The following ZBTB20 variants were observed in gnomAD, a reference collection of about 807,000 sequenced individuals.
The protein encoded by ZBTB20 is zinc finger and BTB domain-containing protein 20.
Under a neutral mutation model 56.9 loss-of-function variants are expected in ZBTB20, and 9 were observed. The ratio of observed to expected loss-of-function variants is 0.16; its 90% CI spans 0.10 to 0.28. The LOEUF (loss-of-function observed/expected upper bound fraction) is 0.28, where lower values mean the gene tolerates loss of function less well. ZBTB20 is among the 10% of genes least tolerant of loss of function. The probability of loss-of-function intolerance (pLI) is 1.00; values close to 1 mark genes in which losing one functional copy is unlikely to be tolerated. For synonymous variants in ZBTB20, 417 were observed against 420.7 expected (o/e 0.99, Z 0.11); for missense variants, 655 against 1,003.0 (o/e 0.65, Z 4.69).
chr3:114,845,798 C>A (rs150704002), intron 4 of ZBTB20, among the ~76,000 whole-genome samples: 2 of 152,114 alleles, frequency 1.3e-5, no homozygotes, highest in Admixed American at 6.5e-5. Context: ...TTATATACAA[C>A]AAATACATTC....
intron 4 of ZBTB20, among the ~76,000 whole-genome samples, chr3:114,855,157 C>T (rs2075187688): frequency 6.6e-6 from 1 of 152,162 alleles, no homozygotes; most frequent in Non-Finnish European, 1.5e-5. Flanking sequence ...AGAACTTATC[C>T]ACTCTGCCTT....
intron 5 of ZBTB20, among the ~76,000 whole-genome samples, chr3:114,735,024 C>CT (rs113322039): frequency 1.3e-3 from 190 of 144,722 alleles, no homozygotes; most frequent in Middle Eastern, 3.6e-3. Flanking sequence ...GGGAATAGTT[C>CT]TTTTTTTTTT....
At chr3:115,066,077 T>C (rs764648453) in intron 2 of ZBTB20, among the ~76,000 whole-genome samples, 3 of 152,166 alleles carry the variant, frequency 2.0e-5, no homozygotes, top group Admixed American at 2.0e-4. Context: ...ATTCCCCTTA[T>C]TCAGCTTCAG....
intron 4 of ZBTB20, among the ~76,000 whole-genome samples, chr3:114,857,537 G>A (rs1257139430): frequency 2.0e-5 from 3 of 152,146 alleles, no homozygotes; most frequent in African/African-American, 7.2e-5. Context: ...TACTAGCGCC[G>A]TTATCCTATA....
chr3:115,084,033 G>A (rs2082893503), intron 1 of ZBTB20, among the ~76,000 whole-genome samples: 2 of 151,648 alleles, frequency 1.3e-5, no homozygotes, highest in South Asian at 4.1e-4. Flanking sequence ...AGCACTATTA[G>A]CTAATAAAGT....
chr3:114,436,724 G>A (rs2090543942), intron 7 of ZBTB20, among the ~76,000 whole-genome samples: 1 of 152,166 alleles, frequency 6.6e-6, no homozygotes, highest in Non-Finnish European at 1.5e-5. Flanking sequence ...CAGGAACAAA[G>A]TTTGCTTTTC....
At chr3:114,570,273 T>A (rs2053272887) in intron 6 of ZBTB20, among the ~76,000 whole-genome samples, 1 of 151,948 alleles carries the variant, frequency 6.6e-6, no homozygotes, top group South Asian at 2.1e-4. Flanking sequence ...GATTTTGGGT[T>A]CATATCCCTC....
intron 2 of ZBTB20, among the ~76,000 whole-genome samples, chr3:115,042,420 G>A (rs1015177542): frequency 1.3e-5 from 2 of 152,146 alleles, no homozygotes; most frequent in Non-Finnish European, 2.9e-5. Context: ...AAACGCAGAG[G>A]AAACTTCCAT....
At chr3:114,485,170 T>A (rs1047500474) in intron 7 of ZBTB20, among the ~76,000 whole-genome samples, 2 of 152,172 alleles carry the variant, frequency 1.3e-5, no homozygotes, top group Non-Finnish European at 2.9e-5. Context: ...TCCCATGAAA[T>A]AATCCAACTG....
At chr3:115,084,550 A>G (rs2082916111) in intron 1 of ZBTB20, among the ~76,000 whole-genome samples, 1 of 151,952 alleles carries the variant, frequency 6.6e-6, no homozygotes, top group Non-Finnish European at 1.5e-5. Flanking sequence ...AGATCAGTGG[A>G]AAAATATGAG....
chr3:114,654,660 A>T (rs1479307129), intron 6 of ZBTB20, among the ~76,000 whole-genome samples: 2 of 152,148 alleles, frequency 1.3e-5, no homozygotes, highest in Admixed American at 6.5e-5. Context: ...CCAAGTGGGA[A>T]TAGTGTTCTG....
At chr3:114,463,991 A>AG (rs777106779) in intron 7 of ZBTB20, among the ~76,000 whole-genome samples, 82 of 152,330 alleles carry the variant, frequency 5.4e-4, no homozygotes, top group Non-Finnish European at 1.0e-3. Flanking sequence ...TTGAACTGCT[A>AG]TTTGAATCTT....
intron 4 of ZBTB20, among the ~76,000 whole-genome samples, chr3:114,892,153 T>G (rs1433226372): frequency 6.6e-6 from 1 of 152,196 alleles, no homozygotes; most frequent in Non-Finnish European, 1.5e-5. Flanking sequence ...TTCCTGCACA[T>G]AGTAAGTGTT....
chr3:114,396,403 C>A (rs548757754), intron 7 of ZBTB20, among the ~76,000 whole-genome samples: 75 of 152,298 alleles, frequency 4.9e-4, no homozygotes, highest in African/African-American at 1.7e-3. Context: ...TCAATAGTAA[C>A]TTTGGCTATT....
At chr3:114,961,914 T>A (rs1439969918) in intron 3 of ZBTB20, among the ~76,000 whole-genome samples, 2 of 152,152 alleles carry the variant, frequency 1.3e-5, no homozygotes, top group Non-Finnish European at 2.9e-5. Context: ...AGGATAGAAG[T>A]ACTCTTACTC....
intron 6 of ZBTB20, among the ~76,000 whole-genome samples, chr3:114,531,116 A>G (rs1191035414): frequency 6.6e-6 from 1 of 152,180 alleles, no homozygotes; most frequent in Non-Finnish European, 1.5e-5. Context: ...TATCCTGGGC[A>G]TTTTAAGAAA....
At chr3:114,801,328 A>C (rs1560266485) in intron 4 of ZBTB20, among the ~76,000 whole-genome samples, 154 bp from the exon 5 acceptor site, 1 of 143,004 alleles carries the variant, frequency 7.0e-6, no homozygotes, top group Non-Finnish European at 1.5e-5. Flanking sequence ...TTTTCTGTTA[A>C]GGAAAAAAAA....
intron 5 of ZBTB20, among the ~76,000 whole-genome samples, chr3:114,750,528 G>C (rs1398078905): frequency 6.6e-6 from 1 of 152,176 alleles, no homozygotes; most frequent in African/African-American, 2.4e-5. Flanking sequence ...GGTGAGGCTA[G>C]CTGCAGAAAA....
intron 4 of ZBTB20, among the ~76,000 whole-genome samples, chr3:114,829,390 G>A (rs985140530): frequency 2.6e-5 from 4 of 151,770 alleles, no homozygotes; most frequent in Admixed American, 6.6e-5. Context: ...ACAGGTCAAT[G>A]TTTGCCAGCT....
Sources: allele counts gnomAD v4.1 joint callset (sites outside exome capture counted in the v4.1 genomes callset), GRCh38; gene constraint gnomAD v4.1.1; transcripts MANE v1.5; gene names NCBI Gene and HGNC (gene_info 2026-07-23, HGNC 2026-07-21).